MTCL1: variants seen among roughly 807,000 people sequenced by gnomAD.
MTCL1 encodes the protein microtubule crosslinking factor 1.
MTCL1 carries 79 observed loss-of-function variants against 141.4 expected under a neutral mutation model. The observed-to-expected ratio is 0.56, with a 90% confidence interval of 0.47 to 0.67. MTCL1 has a LOEUF of 0.67. Among genes scored for constraint, MTCL1 ranks in the 30% least tolerant of loss-of-function variants. The pLI is 0.00. For missense variants in MTCL1, 2,177 were observed against 2,113.9 expected (o/e 1.03, Z -0.59); for synonymous variants, 914 against 875.8 (o/e 1.04, Z -0.77).
exon 15 of MTCL1, chr18:8,825,420 G>A (rs747608333): frequency 6.4e-7 from 1 of 1,551,554 alleles, no homozygotes; most frequent in Admixed American, 1.9e-5. Context: ...CGAGCTGCAA[G>A]TCAAGGACAT....
At chr18:8,708,055 G>A (rs1039057070) in intron 1 of MTCL1, among the ~76,000 whole-genome samples, 3 of 152,218 alleles carry the variant, frequency 2.0e-5, no homozygotes, top group African/African-American at 2.4e-5. Context: ...TTAGGTAATA[G>A]ACAACGGAGT....
At chr18:8,826,086 C>A in exon 15 of MTCL1, 1 of 1,610,930 alleles carries the variant, frequency 6.2e-7, no homozygotes, top group Non-Finnish European at 8.5e-7. Context: ...TGGCTACACG[C>A]TCACTGAGAA....
chr18:8,721,867 G>A (rs896022205), intron 4 of MTCL1, among the ~76,000 whole-genome samples: 3 of 152,172 alleles, frequency 2.0e-5, no homozygotes, highest in African/African-American at 7.2e-5. Flanking sequence ...TCACTGTGGG[G>A]CCCTCATGCC....
chr18:8,798,364 G>A (rs570697133), intron 10 of MTCL1, 73 bp downstream of exon 9: 137 of 1,309,190 alleles, frequency 1.0e-4, no homozygotes, highest in East Asian at 2.7e-4. Flanking sequence ...CATTTGGGTC[G>A]TTTTGTTTCC....
At chr18:8,765,094 GGTTCTTCCCCTGGCCTTC>G (rs2096453437) in intron 4 of MTCL1, among the ~76,000 whole-genome samples, 1 of 152,206 alleles carries the variant, frequency 6.6e-6, no homozygotes, top group Admixed American at 6.5e-5. Context: ...GATGAAGGAA[GGTTCTTCCCCTGGCCTTC>G]GCCTACCTGC....
chr18:8,705,826 C>T lies in MTCL1; in HGVS notation c.166C>T (p.Pro56Ser), dbSNP rs1193256430. The T allele has an allele frequency of 1.0e-5, 12 of 1,178,766 alleles. No individual in the cohort carries two copies. Among genetic ancestry groups the T allele is most frequent in the Non-Finnish European group, 1.3e-5 (12 of 953,208 alleles). 73.0% of individuals were successfully genotyped at this position (1,178,766 alleles called of 1,614,324 possible). ...CTTCCTCAAGGACCTGCACGCCCGG[C>T]CCGCCGCGCCCGGCCCGGCCGTCCC... The change falls in exon 1 of 14, where the codon CCC (proline) becomes TCC (serine). Residue 56 changes from proline to serine, a missense_variant. Physicochemically the swap from Pro to Ser is moderately conservative, Grantham distance 74. Coordinates refer to the MTCL1 transcript ENST00000306329. The surrounding 1 kb of genome is among the most constrained non-coding windows in gnomAD (Gnocchi z 5.2).
At position 8,824,682 on chromosome 18, in the gene MTCL1, T is replaced by G; in HGVS notation, c.3189-17T>G. The G allele has an allele frequency of 6.3e-7, 1 of 1,592,544 alleles. No homozygotes were observed. The highest frequency in any genetic ancestry group is 8.6e-7 in the Non-Finnish European group (1 of 1,168,740). On this transcript the variant is annotated splice_polypyrimidine_tract_variant and intron_variant, in intron 14 of 16. Transcript: ENST00000359865. ...CTCCCTGGCAGGTACTGACACCCTC[T>G]TTTCTGCTTTTCCCAGGGCGGTGTC...
At position 8,805,102 on chromosome 18, in the gene MTCL1, A is replaced by AATATATATATATATATAT. The variant is rs71356268; in HGVS notation, c.2437-1774_2437-1773insTATATATATATATATATA. 7.7e-3 allele frequency among the ~76,000 whole-genome samples: 1,122 copies of AATATATATATATATATAT among 146,260 alleles called. 8 individuals are homozygous for AATATATATATATATATAT. The highest frequency in any genetic ancestry group is 0.022 in the Middle Eastern group (6 of 274). ...TCTTTTTAATACAACTTTATTTTTG[A>AATATATATATATATATAT]ATATATATATATATATAGAATTTTA... On this transcript the variant is annotated intron_variant, in intron 10 of 16. Coordinates refer to ENST00000359865, the Ensembl canonical transcript of MTCL1.
At chr18:8,728,073 T>C (rs1164497612) in intron 4 of MTCL1, among the ~76,000 whole-genome samples, 1 of 152,234 alleles carries the variant, frequency 6.6e-6, no homozygotes, top group Non-Finnish European at 1.5e-5. Flanking sequence ...AATACAGCCA[T>C]CTTAGAAAGC....
chr18:8,826,162 C>T (rs1177727099), exon 15 of MTCL1: 1 of 1,612,524 alleles, frequency 6.2e-7, no homozygotes, highest in Non-Finnish European at 8.5e-7. Context: ...AGGCAGGCTG[C>T]CCACGGGCCC....
At chr18:8,719,635 T>C (rs749357056) in intron 3 of MTCL1, among the ~76,000 whole-genome samples, 3 of 152,184 alleles carry the variant, frequency 2.0e-5, no homozygotes, top group Non-Finnish European at 2.9e-5. Flanking sequence ...CCATCATAGC[T>C]CACTGTTACC....
intron 4 of MTCL1, among the ~76,000 whole-genome samples, chr18:8,751,672 G>A (rs746099307): frequency 3.9e-5 from 6 of 152,190 alleles, no homozygotes; most frequent in Non-Finnish European, 7.3e-5. Context: ...AGTGCAGGAC[G>A]GGGTAGGTGT....
intron 4 of MTCL1, among the ~76,000 whole-genome samples, chr18:8,729,190 G>A (rs994578065): frequency 3.9e-5 from 4 of 103,786 alleles, no homozygotes; most frequent in South Asian, 3.0e-4. Flanking sequence ...CCCCGGCCCC[G>A]AGTAGCTAGG....
chr18:8,786,259 A>C (rs1353566741), intron 7 of MTCL1, 168 bp downstream of exon 6: 1 of 815,260 alleles, frequency 1.2e-6, no homozygotes. Flanking sequence ...GCACTGGGAC[A>C]GGCAGGTGTG....
intron 15 of MTCL1, 133 bp downstream of exon 14, chr18:8,826,365 G>A (rs1598829854): frequency 2.2e-6 from 2 of 900,712 alleles, no homozygotes; most frequent in African/African-American, 1.7e-5. Flanking sequence ...GGGAGCTGGG[G>A]AGGTGTTAGG....
In MTCL1 at chr18:8,718,418, G is replaced by C. The variant is rs373936962; in HGVS notation, c.-27-6G>C. The C allele has an allele frequency of 1.4e-5, 23 of 1,613,406 alleles. No homozygotes were observed. In the African/African-American group the frequency reaches 3.1e-4, roughly 22 times the overall value. ...CTCATAAATCTTCTCTGTCTGATTTGCATAGGATGAGTTAGATGAACTCCG... is the reference window on the plus strand; with the variant it reads ...CTCATAAATCTTCTCTGTCTGATTTCCATAGGATGAGTTAGATGAACTCCG... On this transcript the variant is annotated splice_region_variant and splice_polypyrimidine_tract_variant and intron_variant, in intron 2 of 16. Transcript: ENST00000359865.
chr18:8,789,630 G>A, intron 7 of MTCL1: 2 of 985,430 alleles, frequency 2.0e-6, no homozygotes, highest in Non-Finnish European at 2.4e-6. Context: ...TAGTGTCTCA[G>A]CAGCCTCGGA....
chr18:8,831,142 T>A, intron 16 of MTCL1: 1 of 988,678 alleles, frequency 1.0e-6, no homozygotes, highest in East Asian at 1.1e-4. Flanking sequence ...CACAGCTGAA[T>A]GAAATCAGAG....
chr18:8,776,546 T>C (rs2096509598), intron 4 of MTCL1, among the ~76,000 whole-genome samples: 3 of 152,174 alleles, frequency 2.0e-5, no homozygotes, highest in Non-Finnish European at 4.4e-5. Context: ...AGCCAAGGCC[T>C]TCATTTCACA....
Sources: allele counts gnomAD v4.1 joint callset (sites outside exome capture counted in the v4.1 genomes callset), GRCh38; gene constraint gnomAD v4.1.1; non-coding constraint Gnocchi (gnomAD v3.1); transcripts MANE v1.5; gene names NCBI Gene and HGNC (gene_info 2026-07-23, HGNC 2026-07-21).